SASH1: variants seen among roughly 807,000 people sequenced by gnomAD.
The protein encoded by SASH1 is SAM and SH3 domain containing 1.
Under a neutral mutation model 125.2 loss-of-function variants are expected in SASH1, and 44 were observed. That is an observed-to-expected ratio of 0.35 (90% confidence interval 0.28 to 0.45). The LOEUF (loss-of-function observed/expected upper bound fraction) is 0.45. Ranked by LOEUF, SASH1 falls within the 20% of genes least tolerant of loss-of-function variation. The pLI is 1.00. For missense variants in SASH1, 1,426 were observed against 1,614.5 expected (o/e 0.88, Z 2.00); for synonymous variants, 639 against 649.1 (o/e 0.98, Z 0.24).
At chr6:148,359,085 A>T (rs954920011) in intron 1 of SASH1, among the ~76,000 whole-genome samples, 2 of 145,818 alleles carry the variant, frequency 1.4e-5, no homozygotes, top group Admixed American at 6.9e-5. Flanking sequence ...ATTTAAAAAT[A>T]AAAAAAAAAT....
Position 148,332,283 on chromosome 6 carries a change from G to A in SASH1, n.75-57851G>A, listed in dbSNP as rs2114604504. ...TTGAAGTCAGTTCCCCCAAGGCATT[G>A]TGGAATGCCCCATGTAGGAGTGCCA... On this transcript the variant is annotated intron_variant and non_coding_transcript_variant, in intron 1 of 3. Transcript: ENST00000367469. Among the ~76,000 whole-genome samples the A allele has an allele frequency of 1.3e-5, 2 of 152,290 alleles. 1 individual carries two copies. Among genetic ancestry groups the A allele is most frequent in the South Asian group, 4.1e-4 (2 of 4,824 alleles).
intron 2 of SASH1, among the ~76,000 whole-genome samples, chr6:148,425,718 C>G (rs58173248): frequency 8.4e-6 from 1 of 118,736 alleles, no homozygotes; most frequent in East Asian, 2.7e-4. Flanking sequence ...TCCCATCCCC[C>G]TCTCCCTTCC....
At chr6:148,316,065 A>G (rs1449931590) in intron 1 of SASH1, among the ~76,000 whole-genome samples, 2 of 152,192 alleles carry the variant, frequency 1.3e-5, no homozygotes, top group African/African-American at 4.8e-5. Context: ...CAATGTTTTG[A>G]AAATAGAATC....
At position 148,318,554 on chromosome 6, in the gene SASH1, C is replaced by CT. The variant is rs71004283; in HGVS notation, n.74+46193dup. Reference sequence around the variant, plus strand: ...TTGTGGGCACATATACTACTAATTTCTTTTTTTTTTTTTTTTGAGACGGCG... The same window carrying CT: ...TTGTGGGCACATATACTACTAATTTCTTTTTTTTTTTTTTTTTGAGACGGCG... On this transcript the variant is annotated intron_variant and non_coding_transcript_variant, in intron 1 of 3. Coordinates refer to the SASH1 transcript ENST00000367469. 6.2e-3 allele frequency among the ~76,000 whole-genome samples: 750 copies of CT among 121,060 alleles called. 9 individuals are homozygous for CT. Among genetic ancestry groups the CT allele is most frequent in the African/African-American group, 0.021 (690 of 32,448 alleles). 79.4% of individuals were successfully genotyped at this position (121,060 alleles called of 152,430 possible). A position where few individuals can be genotyped will look rare whatever the true frequency, so the allele number is the denominator to read the frequency against.
chr6:148,258,784 C>G, the SASH1 span, among the ~76,000 whole-genome samples: 1 of 152,164 alleles, frequency 6.6e-6, no homozygotes, highest in African/African-American at 2.4e-5. Flanking sequence ...TATCCTCTTT[C>G]ATTCCCCTTA....
intron 1 of SASH1, among the ~76,000 whole-genome samples, chr6:148,364,716 C>A (rs1330870703): frequency 1.3e-5 from 2 of 152,192 alleles, no homozygotes; most frequent in African/African-American, 4.8e-5. Context: ...AGGATAGAGT[C>A]TGCATCATCC....
chr6:148,435,942 T>C (rs913240140), intron 2 of SASH1, among the ~76,000 whole-genome samples: 2 of 152,238 alleles, frequency 1.3e-5, no homozygotes, highest in African/African-American at 4.8e-5. Flanking sequence ...TGCCAAGATA[T>C]ACTTGAGTAA....
chr6:148,474,444 C>T (rs1184595118), intron 7 of SASH1, among the ~76,000 whole-genome samples: 1 of 152,176 alleles, frequency 6.6e-6, no homozygotes, highest in East Asian at 1.9e-4. Context: ...CTGTGGACCA[C>T]ATTAATGAGG....
At chr6:148,350,067 G>A (rs1224541468) in intron 1 of SASH1, among the ~76,000 whole-genome samples, 1 of 151,748 alleles carries the variant, frequency 6.6e-6, no homozygotes, top group Non-Finnish European at 1.5e-5. Flanking sequence ...GGATGGTCTC[G>A]ATCTCCTGAC....
intron 1 of SASH1, among the ~76,000 whole-genome samples, chr6:148,370,886 A>AT (rs1467804183): frequency 6.6e-6 from 1 of 152,172 alleles, no homozygotes; most frequent in Non-Finnish European, 1.5e-5. Context: ...TAAGGGTCTC[A>AT]TTTTTTCAAA....
intron 1 of SASH1, among the ~76,000 whole-genome samples, chr6:148,315,720 A>G (rs1325853548): frequency 6.6e-6 from 1 of 152,202 alleles, no homozygotes; most frequent in Non-Finnish European, 1.5e-5. Context: ...CCTGGGCAAC[A>G]TAGTGAGACC....
intron 1 of SASH1, among the ~76,000 whole-genome samples, chr6:148,304,712 C>T (rs539340074): frequency 2.0e-4 from 31 of 152,288 alleles, no homozygotes; most frequent in African/African-American, 7.2e-4. Context: ...TTTACAACTT[C>T]TAGAAAAGCT....
the SASH1 span, among the ~76,000 whole-genome samples, chr6:148,244,930 G>GTGTGTGTGTGTGTGTGTGTGTGTGTC: frequency 3.8e-5 from 4 of 105,038 alleles, no homozygotes; most frequent in Non-Finnish European, 2.0e-5. Flanking sequence ...GTGTGTGTGT[G>GTGTGTGTGTGTGTGTGTGTGTGTGTC]TATGTGTGTG....
chr6:148,310,104 C>T (rs1352032059), intron 1 of SASH1, among the ~76,000 whole-genome samples: 4 of 152,126 alleles, frequency 2.6e-5, no homozygotes, highest in Admixed American at 6.6e-5. Flanking sequence ...GGTGGATCAC[C>T]GGAGATCAGG....
At chr6:148,346,873 G>A (rs1233804990) in intron 1 of SASH1, among the ~76,000 whole-genome samples, 2 of 152,164 alleles carry the variant, frequency 1.3e-5, no homozygotes, top group Non-Finnish European at 1.5e-5. Flanking sequence ...GTGCCATTCT[G>A]TTCACTAACA....
At position 148,416,509 on chromosome 6, in the gene SASH1, G is replaced by A. The variant is rs578068846; in HGVS notation, c.286-23675G>A. Among the ~76,000 whole-genome samples, 5 of 152,302 alleles carry A rather than the reference G, an allele frequency of 3.3e-5. No individual in the cohort carries two copies. In the East Asian group the frequency reaches 7.7e-4, roughly 24 times the overall value. On this transcript the variant is annotated intron_variant, in intron 2 of 19. Transcript: ENST00000367467. Reference sequence around the variant, plus strand: ...TTGCAGCGTGGAGCACCATGTGTGAGATCCTGGACGACATGTGTGCTATGT... The same window carrying A: ...TTGCAGCGTGGAGCACCATGTGTGAAATCCTGGACGACATGTGTGCTATGT...
chr6:148,471,930 C>T (rs769840391), intron 6 of SASH1, among the ~76,000 whole-genome samples: 27 of 152,170 alleles, frequency 1.8e-4, no homozygotes, highest in Non-Finnish European at 3.2e-4. Context: ...TCTTCTGCAG[C>T]GGGACGGTTA....
chr6:148,357,029 G>T (rs908717457), intron 1 of SASH1, among the ~76,000 whole-genome samples: 1 of 152,110 alleles, frequency 6.6e-6, no homozygotes, highest in Non-Finnish European at 1.5e-5. Context: ...TTTTTGATGG[G>T]ATTATTTGTT....
chr6:148,287,484 C>G (rs984278913), intron 1 of SASH1, among the ~76,000 whole-genome samples: 1 of 152,278 alleles, frequency 6.6e-6, no homozygotes, highest in East Asian at 1.9e-4. Context: ...CAGTCTGTCT[C>G]CCCGGTAACA....
Sources: gnomAD v4.1 joint callset for allele counts (sites outside exome capture counted in the v4.1 genomes callset) on GRCh38, gnomAD v4.1.1 for gene constraint, MANE v1.5 for transcripts, NCBI Gene and HGNC (gene_info 2026-07-23, HGNC 2026-07-21) for gene names.